Variants in KAT7 observed in about 807,000 individuals in gnomAD.
KAT7 encodes histone acetyltransferase KAT7.
In KAT7, 10 loss-of-function variants were observed where a neutral mutation model predicts 82.1. That is an observed-to-expected ratio of 0.12 (90% CI 0.08 to 0.21). The LOEUF is 0.21. Ranked by LOEUF, KAT7 falls within the 10% of genes least tolerant of loss-of-function variation. The pLI is 1.00. For synonymous variants in KAT7, 250 were observed against 262.5 expected, an observed-to-expected ratio of 0.95 and a Z score of 0.46; for missense variants, 378 against 760.9, an observed-to-expected ratio of 0.50 and a Z score of 5.92.
chr17:49,811,186 A>C (rs2143926112), intron 6 of KAT7, among the ~76,000 whole-genome samples: 1 of 150,766 alleles, frequency 6.6e-6, no homozygotes, highest in East Asian at 2.0e-4. Flanking sequence ...GGCTCACTGC[A>C]ACCTCTGCCT....
At chr17:49,803,420 T>A (rs541419273) in intron 4 of KAT7, among the ~76,000 whole-genome samples, 1 of 149,408 alleles carries the variant, frequency 6.7e-6, no homozygotes, top group African/African-American at 2.5e-5. Flanking sequence ...TTTTAAAATT[T>A]ATTTATTTTA....
At chr17:49,818,535 C>T (rs543667808) in intron 9 of KAT7, among the ~76,000 whole-genome samples, 1 of 152,166 alleles carries the variant, frequency 6.6e-6, no homozygotes, top group African/African-American at 2.4e-5. Context: ...CCCTCTTTTT[C>T]CTAATAAAAC....
In KAT7 at chr17:49,788,717, A is replaced by G; in HGVS notation, c.-118A>G. Reference sequence around the variant, plus strand: ...CAGACGCTGAGAGGCAGGAGGCACTAGGGATCGTCCGCAGGATTGGGACTG... The same window carrying G: ...CAGACGCTGAGAGGCAGGAGGCACTGGGGATCGTCCGCAGGATTGGGACTG... On this transcript the variant is annotated 5_prime_UTR_variant, in exon 1 of 15. Coordinates refer to ENST00000259021, the MANE Select transcript of KAT7 (RefSeq NM_007067.5). The G allele has an allele frequency of 2.6e-6, 3 of 1,134,804 alleles. No homozygotes were observed. Among genetic ancestry groups the G allele is most frequent in the African/African-American group, 1.6e-5 (1 of 61,916 alleles). 70.3% of individuals were successfully genotyped at this position (1,134,804 alleles called of 1,614,324 possible).
rs2074418378 is a variant in KAT7, at chr17:49,830,696, A to G, written c.*3194A>G. ...AGTAGATGGGTACACTGGTTTGCCAAAGGAGACCTGGAATCCAAGGTGGAA... is the reference window on the plus strand; with the variant it reads ...AGTAGATGGGTACACTGGTTTGCCAGAGGAGACCTGGAATCCAAGGTGGAA... On this transcript the variant is annotated 3_prime_UTR_variant, in exon 15 of 15. Coordinates refer to ENST00000259021, the MANE Select transcript of KAT7 (RefSeq NM_007067.5). 6.6e-6 allele frequency: 1 copy of G among 152,178 alleles called. No individual in the cohort carries two copies. Among genetic ancestry groups the G allele is most frequent in the East Asian group, 1.9e-4 (1 of 5,184 alleles). 9.4% of individuals were successfully genotyped at this position (152,178 alleles called of 1,614,324 possible).
chr17:49,808,927 C>A (rs1228399545), intron 5 of KAT7, among the ~76,000 whole-genome samples, 192 bp from the exon 6 acceptor site: 1 of 152,180 alleles, frequency 6.6e-6, no homozygotes, highest in Non-Finnish European at 1.5e-5. Flanking sequence ...TTCTCTGATC[C>A]TGTTATTGGC....
chr17:49,825,244 C>A (rs2074354797), intron 12 of KAT7, among the ~76,000 whole-genome samples: 1 of 152,186 alleles, frequency 6.6e-6, no homozygotes, highest in Admixed American at 6.5e-5. Context: ...GACTTTACAA[C>A]TAGAGGCTTC....
intron 2 of KAT7, among the ~76,000 whole-genome samples, chr17:49,793,046 C>T (rs908323456): frequency 6.6e-6 from 1 of 152,178 alleles, no homozygotes. Context: ...CTCCTGGACT[C>T]AAGCAGTCCT....
rs2074412495 is a variant in KAT7, at chr17:49,830,190, T to TG, written c.*2688_*2689insG. On this transcript the variant is annotated 3_prime_UTR_variant, in exon 15 of 15. Coordinates refer to ENST00000259021, the MANE Select transcript of KAT7 (RefSeq NM_007067.5). Reference sequence around the variant, plus strand: ...ACTGCACCCGACCTATTTTTTTTTTTTTTTTTTTTTTTTTTTTTAAAAAAA... The same window carrying TG: ...ACTGCACCCGACCTATTTTTTTTTTTGTTTTTTTTTTTTTTTTTTAAAAAAA... 1 of 135,380 alleles carries TG rather than the reference T, an allele frequency of 7.4e-6. No homozygotes were observed. Among genetic ancestry groups the TG allele is most frequent in the South Asian group, 2.4e-4 (1 of 4,230 alleles). The allele number at this position is 135,380 out of a possible 1,614,324, so 8.4% of individuals were successfully genotyped here.
intron 9 of KAT7, among the ~76,000 whole-genome samples, chr17:49,819,401 T>C (rs1408067336): frequency 6.6e-6 from 1 of 152,198 alleles, no homozygotes; most frequent in Non-Finnish European, 1.5e-5. Context: ...GGGGCACTGA[T>C]ACAGATGGCA....
At chr17:49,804,601 C>T (rs902953854) in intron 4 of KAT7, among the ~76,000 whole-genome samples, 2 of 151,898 alleles carry the variant, frequency 1.3e-5, no homozygotes, top group South Asian at 2.1e-4. Context: ...CACTGAGACC[C>T]GTTTCTACAA....
chr17:49,819,984 G>T (rs747388656), intron 9 of KAT7, among the ~76,000 whole-genome samples: 2 of 152,248 alleles, frequency 1.3e-5, no homozygotes, highest in Non-Finnish European at 2.9e-5. Flanking sequence ...GCCAGGTGCG[G>T]TGGCTCATAC....
chr17:49,822,068 C>G (rs2074311004), intron 11 of KAT7, among the ~76,000 whole-genome samples: 1 of 152,182 alleles, frequency 6.6e-6, no homozygotes, highest in Non-Finnish European at 1.5e-5. Context: ...AACTCACAAG[C>G]CCACATCTTG....
chr17:49,792,043 C>A lies in KAT7; in HGVS notation c.163+10C>A. 1 of 1,612,548 alleles carries A rather than the reference C, an allele frequency of 6.2e-7. No individual in the cohort carries two copies. Among genetic ancestry groups the A allele is most frequent in the Non-Finnish European group, 8.5e-7 (1 of 1,179,066 alleles). ...AGCCAGAGTTCTCAAGGTAAAAAAA[C>A]CTTCATTTTTCCTTACCACTCCTCA... On this transcript the variant is annotated intron_variant, in intron 2 of 14. Transcript: ENST00000259021.
At chr17:49,812,301 T>C (rs1439686799) in intron 7 of KAT7, among the ~76,000 whole-genome samples, 1 of 142,694 alleles carries the variant, frequency 7.0e-6, no homozygotes, top group East Asian at 2.2e-4. Flanking sequence ...CTCGGCTCAC[T>C]ACAACCTCTG....
At chr17:49,822,905 G>A (rs1004748093) in intron 11 of KAT7, among the ~76,000 whole-genome samples, 3 of 152,068 alleles carry the variant, frequency 2.0e-5, no homozygotes, top group Non-Finnish European at 2.9e-5. Flanking sequence ...TTTAAAGTGG[G>A]CTTCTATATA....
In KAT7 at chr17:49,818,693, CAG is replaced by C. The variant is rs1484960362; in HGVS notation, c.1155+683_1155+684del. Among the ~76,000 whole-genome samples the C allele has an allele frequency of 2.1e-4, 31 of 150,542 alleles. No individual in the cohort carries two copies. In the South Asian group the frequency reaches 5.9e-3, roughly 29 times the overall value. On this transcript the variant is annotated intron_variant, in intron 9 of 14. Coordinates refer to ENST00000259021, the MANE Select transcript of KAT7 (RefSeq NM_007067.5). ...TCTGCCATGGAGCAAGGGTGCGGAA[CAG>C]GGGAAGGAGTAGAGATTAGCCTTTC...
chr17:49,796,293 A>G (rs1487979873), intron 2 of KAT7, among the ~76,000 whole-genome samples: 1 of 152,234 alleles, frequency 6.6e-6, no homozygotes, highest in Non-Finnish European at 1.5e-5. Flanking sequence ...GGTGGGTTAG[A>G]AAAAGGGAAG....
At chr17:49,797,066 C>CT (rs374837770) in intron 3 of KAT7, 140 bp downstream of exon 3, 35,020 of 507,314 alleles carry the variant, frequency 0.069, 597 homozygotes, top group African/African-American at 0.17. Context: ...TTTCTTATGT[C>CT]TTTTTTTTTT....
chr17:49,817,070 C>T lies in KAT7; in HGVS notation c.964-750C>T, dbSNP rs535144993. Reference sequence around the variant, plus strand: ...AGGGCCTGTTTTTTTTTCTAAGTGACCATTGTGGATATATTTCACGGAGAT... The same window carrying T: ...AGGGCCTGTTTTTTTTTCTAAGTGATCATTGTGGATATATTTCACGGAGAT... On this transcript the variant is annotated intron_variant, in intron 8 of 14. Coordinates refer to ENST00000259021, the MANE Select transcript of KAT7 (RefSeq NM_007067.5). Among the ~76,000 whole-genome samples, 28 of 151,890 alleles carry T rather than the reference C, an allele frequency of 1.8e-4. No homozygotes were observed. In the South Asian group the frequency reaches 5.6e-3, roughly 30 times the overall value.
Sources: allele counts gnomAD v4.1 joint callset (sites outside exome capture counted in the v4.1 genomes callset), GRCh38; gene constraint gnomAD v4.1.1; transcripts MANE v1.5; gene names NCBI Gene and HGNC (gene_info 2026-07-23, HGNC 2026-07-21).